C1QTNF3: variants seen among roughly 807,000 people sequenced by gnomAD.
C1QTNF3 encodes the protein complement C1q tumor necrosis factor-related protein 3.
C1QTNF3 carries 26 observed loss-of-function variants against 32.6 expected under a neutral mutation model. The observed-to-expected ratio is 0.80, with a 90% CI of 0.58 to 1.11. The LOEUF (loss-of-function observed/expected upper bound fraction) is 1.11, where lower values mean the gene tolerates loss of function less well. Ranked by LOEUF, C1QTNF3 falls within the 50% of genes least tolerant of loss-of-function variation. The probability of loss-of-function intolerance (pLI) is 0.00; values close to 1 mark genes in which losing one functional copy is unlikely to be tolerated. For synonymous variants in C1QTNF3, 155 were observed against 146.0 expected, an observed-to-expected ratio of 1.06 and a Z score of -0.44; for missense variants, 362 against 398.2, an observed-to-expected ratio of 0.91 and a Z score of 0.77.
the C1QTNF3 span, among the ~76,000 whole-genome samples, chr5:34,068,800 A>T: frequency 6.6e-6 from 1 of 152,186 alleles, no homozygotes; most frequent in East Asian, 1.9e-4. Flanking sequence ...GTGTAACATT[A>T]TATGTGAAAA....
chr5:34,154,840 C>A, the C1QTNF3 span, among the ~76,000 whole-genome samples: 1 of 152,122 alleles, frequency 6.6e-6, no homozygotes, highest in African/African-American at 2.4e-5. Context: ...AAAATGAGAA[C>A]CATCTCTGGG....
chr5:34,233,055 T>A, the C1QTNF3 span, among the ~76,000 whole-genome samples: 1 of 150,970 alleles, frequency 6.6e-6, no homozygotes, highest in African/African-American at 2.4e-5. Context: ...CACATAAGAA[T>A]AAGTTATATT....
intron 2 of C1QTNF3, among the ~76,000 whole-genome samples, chr5:34,034,131 C>T (rs1473305462): frequency 2.0e-5 from 3 of 152,216 alleles, no homozygotes; most frequent in Non-Finnish European, 2.9e-5. Context: ...CATGCCACTT[C>T]ACTCCAGCCT....
chr5:34,217,537 G>C, the C1QTNF3 span, among the ~76,000 whole-genome samples: 24 of 152,056 alleles, frequency 1.6e-4, no homozygotes, highest in Non-Finnish European at 3.1e-4. Context: ...GCAGAGTGTA[G>C]AAAAATAAAA....
the C1QTNF3 span, among the ~76,000 whole-genome samples, chr5:34,208,729 C>T: frequency 1.3e-5 from 2 of 152,066 alleles, no homozygotes; most frequent in East Asian, 3.8e-4. Flanking sequence ...CTAAGAAAAA[C>T]TCTATATGAT....
chr5:34,117,230 T>C, the C1QTNF3 span, among the ~76,000 whole-genome samples: 5 of 152,356 alleles, frequency 3.3e-5, no homozygotes, highest in South Asian at 1.0e-3. Context: ...TATTCTAGTA[T>C]AATCCTTAAT....
the C1QTNF3 span, among the ~76,000 whole-genome samples, chr5:34,050,355 A>G: frequency 2.0e-5 from 3 of 152,178 alleles, no homozygotes; most frequent in South Asian, 2.1e-4. Context: ...GAAGTTTACT[A>G]GGCTTATTCA....
the C1QTNF3 span, among the ~76,000 whole-genome samples, chr5:34,127,156 A>G: frequency 6.6e-6 from 1 of 152,018 alleles, no homozygotes; most frequent in Non-Finnish European, 1.5e-5. Context: ...GTGAAAATGG[A>G]CTAATACAGA....
At chr5:34,040,439 G>A (rs1754840653) in intron 1 of C1QTNF3, among the ~76,000 whole-genome samples, 2 of 152,114 alleles carry the variant, frequency 1.3e-5, no homozygotes, top group South Asian at 4.2e-4. Context: ...AGTGGGAGGA[G>A]GGAGAAATGG....
At chr5:34,171,112 T>G in the C1QTNF3 span, among the ~76,000 whole-genome samples, 1 of 152,124 alleles carries the variant, frequency 6.6e-6, no homozygotes, top group Non-Finnish European at 1.5e-5. Flanking sequence ...TTCTCAAATT[T>G]TAAACCTAGA....
chr5:34,068,776 T>C, the C1QTNF3 span, among the ~76,000 whole-genome samples: 2 of 152,194 alleles, frequency 1.3e-5, no homozygotes, highest in Non-Finnish European at 2.9e-5. Flanking sequence ...GTTATCAAAC[T>C]TGTGGTTTAC....
the C1QTNF3 span, among the ~76,000 whole-genome samples, chr5:34,101,131 CCATT>C: frequency 6.6e-6 from 1 of 151,724 alleles, no homozygotes; most frequent in Admixed American, 6.6e-5. Context: ...AATATAATTT[CCATT>C]ATTTTAGAAA....
At chr5:34,225,991 C>T in the C1QTNF3 span, among the ~76,000 whole-genome samples, 1 of 151,868 alleles carries the variant, frequency 6.6e-6, no homozygotes, top group South Asian at 2.1e-4. Context: ...CCAATCATTA[C>T]TAATTATTGC....
the C1QTNF3 span, among the ~76,000 whole-genome samples, chr5:34,053,770 A>G: frequency 1.3e-5 from 2 of 152,208 alleles, no homozygotes; most frequent in Non-Finnish European, 2.9e-5. Flanking sequence ...AGTGCAGCTA[A>G]TTAGTGGCAG....
At chr5:34,026,364 C>G (rs796934451) in intron 4 of C1QTNF3, among the ~76,000 whole-genome samples, 1 of 146,782 alleles carries the variant, frequency 6.8e-6, no homozygotes, top group Admixed American at 7.0e-5. Flanking sequence ...CAGGGCTGAG[C>G]GGAAGCAAGG....
the C1QTNF3 span, among the ~76,000 whole-genome samples, chr5:34,056,513 GAGAGAGAGAGAGAGAA>G: frequency 6.4e-5 from 9 of 141,386 alleles, no homozygotes; most frequent in African/African-American, 2.1e-4. Flanking sequence ...GAGAGAGAGA[GAGAGAGAGAGAGAGAA>G]AGAGATAGGG....
the C1QTNF3 span, chr5:34,239,554 C>A: frequency 6.6e-6 from 1 of 151,418 alleles, no homozygotes; most frequent in African/African-American, 2.4e-5. Flanking sequence ...AAGAGCATTA[C>A]GTCATGAGAA....
At chr5:34,074,958 C>T in the C1QTNF3 span, among the ~76,000 whole-genome samples, 32 of 151,772 alleles carry the variant, frequency 2.1e-4, no homozygotes, top group Admixed American at 5.2e-4. Context: ...ATTTGGATTT[C>T]TAAAATAGAC....
the C1QTNF3 span, among the ~76,000 whole-genome samples, chr5:34,048,662 T>C: frequency 6.7e-6 from 1 of 149,118 alleles, no homozygotes; most frequent in Non-Finnish European, 1.5e-5. Flanking sequence ...TTAAGGGCCA[T>C]TGCTCAGATG....
Sources: gnomAD v4.1 joint callset for allele counts (sites outside exome capture counted in the v4.1 genomes callset) on GRCh38, gnomAD v4.1.1 for gene constraint, MANE v1.5 for transcripts, NCBI Gene and HGNC (gene_info 2026-07-23, HGNC 2026-07-21) for gene names.